Variants in AFF2 observed in about 807,000 individuals in gnomAD.
AFF2 encodes ALF transcription elongation factor 2.
AFF2 carries 14 observed loss-of-function variants against 76.9 expected under a neutral mutation model. The ratio of observed to expected loss-of-function variants is 0.18; its 90% confidence interval spans 0.12 to 0.28. AFF2 has a LOEUF of 0.28. Among genes scored for constraint, AFF2 ranks in the 10% least tolerant of loss-of-function variants. AFF2 has a pLI of 1.00. For synonymous variants in AFF2, 398 were observed against 366.7 expected (o/e 1.09, Z -0.98); for missense variants, 868 against 1,001.1 (o/e 0.87, Z 1.79).
At chrX:148,844,728 A>C (rs1231648851) in intron 7 of AFF2, among the ~76,000 whole-genome samples, 1 of 111,491 alleles carries the variant, frequency 9.0e-6, no homozygotes, top group Non-Finnish European at 1.9e-5. Flanking sequence ...TTGAGAAAGT[A>C]AGTGGCATTT....
chrX:148,771,448 A>AT (rs1357525307), intron 3 of AFF2, among the ~76,000 whole-genome samples: 2 of 111,982 alleles, frequency 1.8e-5, no homozygotes, highest in African/African-American at 6.5e-5. Flanking sequence ...CCTTACATTC[A>AT]TTTTCTCCTT....
At chrX:148,897,439 T>C (rs781881616) in intron 8 of AFF2, among the ~76,000 whole-genome samples, 4 of 103,336 alleles carry the variant, frequency 3.9e-5, no homozygotes, top group African/African-American at 1.4e-4. Flanking sequence ...TCTAGCTTTC[T>C]AATTTTCTCA....
chrX:148,936,065 A>G (rs782038817), intron 9 of AFF2, among the ~76,000 whole-genome samples: 1 of 111,427 alleles, frequency 9.0e-6, no homozygotes, highest in East Asian at 2.8e-4. Flanking sequence ...TTCTTCGTGG[A>G]TCTTTCAGAT....
At chrX:148,511,557 A>G (rs1387975028) in intron 1 of AFF2, among the ~76,000 whole-genome samples, 2 of 113,035 alleles carry the variant, frequency 1.8e-5, no homozygotes, top group Admixed American at 9.3e-5. Flanking sequence ...GATTTTAAAG[A>G]AATCTATAAG....
chrX:148,706,950 C>T (rs1557262447), intron 3 of AFF2, among the ~76,000 whole-genome samples: 1 of 112,249 alleles, frequency 8.9e-6, no homozygotes, highest in African/African-American at 3.2e-5. Context: ...CTTTTGAGGA[C>T]AGAGATTATG....
chrX:148,635,592 A>G (rs2054022833), intron 1 of AFF2, among the ~76,000 whole-genome samples: 1 of 111,965 alleles, frequency 8.9e-6, no homozygotes, highest in South Asian at 3.7e-4. Flanking sequence ...ATGGCAAATA[A>G]ACAGCCCCAT....
At chrX:148,597,697 G>T (rs1338201337) in intron 1 of AFF2, among the ~76,000 whole-genome samples, 1 of 111,627 alleles carries the variant, frequency 9.0e-6, no homozygotes, top group East Asian at 2.8e-4. Context: ...AAGACACAAT[G>T]GGGTGAGGGT....
intron 1 of AFF2, among the ~76,000 whole-genome samples, chrX:148,557,320 G>A (rs1166862553): frequency 6.2e-5 from 7 of 112,105 alleles, no homozygotes; most frequent in Non-Finnish European, 1.3e-4. Context: ...CTAAGTATTG[G>A]ACTGTAATGA....
At chrX:148,921,233 GATC>G (rs1411335855) in intron 9 of AFF2, among the ~76,000 whole-genome samples, 1 of 112,119 alleles carries the variant, frequency 8.9e-6, no homozygotes, top group Non-Finnish European at 1.9e-5. Flanking sequence ...GGGATTTTGA[GATC>G]ATTACACAAT....
At chrX:148,903,028 A>G (rs1569556846) in intron 8 of AFF2, among the ~76,000 whole-genome samples, 1 of 110,015 alleles carries the variant, frequency 9.1e-6, no homozygotes, top group Non-Finnish European at 1.9e-5. Context: ...GTTAGATTAT[A>G]TGTTGTCTCT....
intron 4 of AFF2, among the ~76,000 whole-genome samples, chrX:148,810,659 T>C (rs1397433766): frequency 8.9e-6 from 1 of 111,820 alleles, no homozygotes; most frequent in Admixed American, 9.4e-5. Flanking sequence ...GATGACTTTA[T>C]CTCTCTGAAT....
chrX:148,708,410 A>G (rs1557262580), intron 3 of AFF2, among the ~76,000 whole-genome samples: 1 of 111,851 alleles, frequency 8.9e-6, no homozygotes, highest in Non-Finnish European at 1.9e-5. Flanking sequence ...TTATTCTCAT[A>G]TTCTTTGATC....
intron 1 of AFF2, among the ~76,000 whole-genome samples, chrX:148,616,815 C>T (rs1265786098): frequency 9.5e-6 from 1 of 105,006 alleles, no homozygotes; most frequent in Admixed American, 1.0e-4. Context: ...TGAGTGAGAA[C>T]ATGCGGTGTT....
chrX:148,515,607 T>C (rs1435494434), intron 1 of AFF2, among the ~76,000 whole-genome samples: 1 of 111,960 alleles, frequency 8.9e-6, no homozygotes, highest in Non-Finnish European at 1.9e-5. Context: ...GTTGTAAAAA[T>C]CATAAAAGCT....
At chrX:148,719,397 A>G (rs1569554193) in intron 3 of AFF2, among the ~76,000 whole-genome samples, 1 of 111,682 alleles carries the variant, frequency 9.0e-6, no homozygotes, top group Admixed American at 9.5e-5. Flanking sequence ...GTAAAATTGT[A>G]TGGATTTCCT....
chrX:148,765,429 C>G (rs1318550464), intron 3 of AFF2, among the ~76,000 whole-genome samples: 6 of 111,591 alleles, frequency 5.4e-5, no homozygotes, highest in African/African-American at 2.0e-4. Context: ...TTTCTTGGAA[C>G]TGCATGAGTT....
chrX:148,507,346 A>G (rs1361034410), intron 1 of AFF2, among the ~76,000 whole-genome samples: 3 of 112,622 alleles, frequency 2.7e-5, no homozygotes, highest in East Asian at 2.8e-4. Flanking sequence ...CAGAATTTCT[A>G]TGAATTCCAA....
rs375080788 is a variant in AFF2, at chrX:148,584,575, A to T, written c.48-67424A>T. 7.8e-3 allele frequency among the ~76,000 whole-genome samples: 348 copies of T among 44,870 alleles called. 1 individual carries two copies. The highest frequency in any genetic ancestry group is 0.023 in the African/African-American group (320 of 13,848). 39.0% of individuals were successfully genotyped at this position (44,870 alleles called of 115,157 possible). On this transcript the variant is annotated intron_variant, in intron 1 of 20. Transcript: ENST00000370460. ...TGAAATGATTTTTTTTTTTTTTTTG[A>T]GACGGAGTCTTGCTCTGTTGCTCAG... is the stretch of plus-strand genomic sequence containing the variant.
At chrX:148,987,631 G>C in intron 20 of AFF2, 74 bp downstream of exon 20, 1 of 911,926 alleles carries the variant, frequency 1.1e-6, no homozygotes, top group Non-Finnish European at 1.5e-6. Flanking sequence ...GACTTGAGTT[G>C]TACTTGGTGG....
Sources: gnomAD v4.1 joint callset for allele counts (sites outside exome capture counted in the v4.1 genomes callset) on GRCh38, gnomAD v4.1.1 for gene constraint, MANE v1.5 for transcripts, NCBI Gene and HGNC (gene_info 2026-07-23, HGNC 2026-07-21) for gene names.